Variants in AOPEP observed in about 807,000 individuals in gnomAD.
The protein encoded by AOPEP is aminopeptidase O (putative), also known as aminopeptidase O.
In AOPEP, 77 loss-of-function variants were observed where a neutral mutation model predicts 98.1. That is an observed-to-expected ratio of 0.78 (90% CI 0.65 to 0.95). The LOEUF (loss-of-function observed/expected upper bound fraction) is 0.95, where lower values mean the gene tolerates loss of function less well. Among genes scored for constraint, AOPEP ranks in the 40% least tolerant of loss-of-function variants. The pLI, the probability that AOPEP is intolerant of heterozygous loss-of-function variation, is 0.00. For synonymous variants in AOPEP, 346 were observed against 365.3 expected (o/e 0.95, Z 0.60); for missense variants, 1,024 against 1,024.7 (o/e 1.00, Z 0.01).
chr9:94,787,947 C>T (rs1844798002), intron 3 of AOPEP, among the ~76,000 whole-genome samples: 1 of 152,112 alleles, frequency 6.6e-6, no homozygotes, highest in South Asian at 2.1e-4. Flanking sequence ...CCCACTATGG[C>T]AGGTAAGTAA....
intron 4 of AOPEP, among the ~76,000 whole-genome samples, chr9:94,796,302 TATGCTGC>T (rs1222695088): frequency 1.3e-5 from 2 of 152,250 alleles, no homozygotes; most frequent in Non-Finnish European, 2.9e-5. Flanking sequence ...CCTTCAGGAA[TATGCTGC>T]TGATAAAATC....
At chr9:94,948,771 G>C (rs1375896913) in intron 7 of AOPEP, among the ~76,000 whole-genome samples, 1 of 152,150 alleles carries the variant, frequency 6.6e-6, no homozygotes, top group African/African-American at 2.4e-5. Context: ...TCCTTGGCAG[G>C]AAAGTTGAAT....
chr9:94,862,202 A>G (rs1474328313), intron 5 of AOPEP, among the ~76,000 whole-genome samples: 1 of 152,214 alleles, frequency 6.6e-6, no homozygotes, highest in Non-Finnish European at 1.5e-5. Flanking sequence ...CCTGTTGCAT[A>G]GTAAAAAGGA....
At chr9:94,883,295 A>C (rs2047805482) in intron 5 of AOPEP, among the ~76,000 whole-genome samples, 1 of 152,226 alleles carries the variant, frequency 6.6e-6, no homozygotes, top group Admixed American at 6.5e-5. Context: ...AAGGAAAAAA[A>C]TGATTTGCAA....
chr9:94,825,323 T>TA (rs749829575), intron 5 of AOPEP, among the ~76,000 whole-genome samples: 15 of 152,216 alleles, frequency 9.9e-5, no homozygotes, highest in Non-Finnish European at 1.8e-4. Flanking sequence ...CCTCTTTACT[T>TA]ACGAAGGCTG....
At chr9:94,759,410 G>A (rs1383740168) in intron 1 of AOPEP, among the ~76,000 whole-genome samples, 6 of 152,178 alleles carry the variant, frequency 3.9e-5, no homozygotes, top group Non-Finnish European at 7.3e-5. Flanking sequence ...TCATTGGAGC[G>A]TGCTTCTTCT....
chr9:94,892,265 CTCTCTT>C (rs2048960065), intron 5 of AOPEP, among the ~76,000 whole-genome samples: 1 of 152,192 alleles, frequency 6.6e-6, no homozygotes, highest in African/African-American at 2.4e-5. Flanking sequence ...TCCCTTCCTC[CTCTCTT>C]TCTGAGACCT....
intron 5 of AOPEP, among the ~76,000 whole-genome samples, chr9:94,811,309 C>G (rs1056416581): frequency 1.3e-5 from 2 of 152,162 alleles, no homozygotes; most frequent in Non-Finnish European, 2.9e-5. Flanking sequence ...GTCCCCTAGG[C>G]TTTATATGCC....
At chr9:95,099,499 A>G in the AOPEP span, 3 of 227,150 alleles carry the variant, frequency 1.3e-5, no homozygotes, top group African/African-American at 2.2e-5. Flanking sequence ...CTTTGCCGAA[A>G]TCGAAGGCAA....
intron 13 of AOPEP, among the ~76,000 whole-genome samples, chr9:95,039,072 G>A (rs1037506990): frequency 1.6e-4 from 24 of 152,112 alleles, no homozygotes; most frequent in Non-Finnish European, 2.9e-5. Flanking sequence ...CCTTCTGGAT[G>A]GACAGAAGTC....
At chr9:94,918,382 G>A (rs1359284282) in intron 5 of AOPEP, among the ~76,000 whole-genome samples, 1 of 152,214 alleles carries the variant, frequency 6.6e-6, no homozygotes, top group Admixed American at 6.5e-5. Flanking sequence ...TGAGGGAACA[G>A]AGGTCTCAGG....
At chr9:95,089,383 G>A (rs533340840), downstream of AOPEP, among the ~76,000 whole-genome samples, 1 of 152,348 alleles carries the variant, frequency 6.6e-6, no homozygotes, top group African/African-American at 2.4e-5. Context: ...CTGTCTGCAC[G>A]GGACATAGTA....
chr9:95,039,724 A>G (rs1270290379), intron 13 of AOPEP, among the ~76,000 whole-genome samples: 1 of 142,946 alleles, frequency 7.0e-6, no homozygotes, highest in Non-Finnish European at 1.5e-5. Flanking sequence ...TATCCCTGCT[A>G]TAGACATGTT....
chr9:94,939,274 C>A (rs1189838870), intron 7 of AOPEP, among the ~76,000 whole-genome samples: 1 of 150,432 alleles, frequency 6.6e-6, no homozygotes, highest in Non-Finnish European at 1.5e-5. Flanking sequence ...AAGAAGGCTT[C>A]TAATAATACA....
intron 1 of AOPEP, among the ~76,000 whole-genome samples, chr9:94,753,111 G>A (rs1397968792): frequency 6.6e-6 from 1 of 152,164 alleles, no homozygotes; most frequent in Non-Finnish European, 1.5e-5. Context: ...AGATGTAGAA[G>A]AGTGGCCCAG....
At chr9:94,973,035 G>A (rs1354338139) in intron 10 of AOPEP, among the ~76,000 whole-genome samples, 1 of 152,154 alleles carries the variant, frequency 6.6e-6, no homozygotes, top group South Asian at 2.1e-4. Context: ...TGTAAACATC[G>A]ACACAGATGT....
intron 5 of AOPEP, among the ~76,000 whole-genome samples, chr9:94,804,152 C>A (rs1026607801): frequency 1.3e-5 from 2 of 152,138 alleles, no homozygotes. Flanking sequence ...CTCATCATCA[C>A]ACTTACACTC....
At chr9:95,131,131 TTTAA>T in the AOPEP span, among the ~76,000 whole-genome samples, 2 of 152,248 alleles carry the variant, frequency 1.3e-5, no homozygotes, top group Admixed American at 1.3e-4. Context: ...GCAATTATTG[TTTAA>T]TTAGTGATAA....
chr9:94,842,914 T>G (rs2042440783), intron 5 of AOPEP, among the ~76,000 whole-genome samples: 1 of 152,240 alleles, frequency 6.6e-6, no homozygotes. Context: ...TTTCTGTGAC[T>G]GTTTTCAAGA....
Sources: allele counts gnomAD v4.1 joint callset (sites outside exome capture counted in the v4.1 genomes callset), GRCh38; gene constraint gnomAD v4.1.1; transcripts MANE v1.5; gene names NCBI Gene and HGNC (gene_info 2026-07-23, HGNC 2026-07-21).